The following NSL1 variants were observed in gnomAD, a reference collection of about 807,000 sequenced individuals.
The protein encoded by NSL1 is NSL1 component of MIS12 kinetochore complex.
A neutral mutation model predicts 25.4 loss-of-function variants in NSL1; 11 were observed. The observed-to-expected ratio is 0.43, with a 90% CI of 0.27 to 0.72. NSL1 has a LOEUF of 0.72. Ranked by LOEUF, NSL1 falls within the 30% of genes least tolerant of loss-of-function variation. The pLI is 0.19. For synonymous variants in NSL1, 118 were observed against 120.6 expected (o/e 0.98, Z 0.14); for missense variants, 330 against 342.7 (o/e 0.96, Z 0.29).
intron 4 of NSL1, among the ~76,000 whole-genome samples, chr1:212,768,340 A>AAAC (rs1659932120): frequency 6.6e-6 from 1 of 151,468 alleles, no homozygotes. Context: ...AAAAAAAAAA[A>AAAC]AAAACTAAAA....
intron 2 of NSL1, among the ~76,000 whole-genome samples, chr1:212,786,974 G>A (rs1660973599): frequency 6.6e-6 from 1 of 151,326 alleles, no homozygotes; most frequent in Admixed American, 6.6e-5. Flanking sequence ...ACCAGCCTGG[G>A]CAACATGATG....
In NSL1 at chr1:212,733,179, C is replaced by G. The variant is rs1483233814; in HGVS notation, c.*5229G>C. Among the ~76,000 whole-genome samples, 1 of 152,180 alleles carries G rather than the reference C, an allele frequency of 6.6e-6. No homozygotes were observed. Among genetic ancestry groups the G allele is most frequent in the East Asian group, 1.9e-4 (1 of 5,192 alleles). ...CCAGGCCAGGCGCAGTGGCTCACGCCTGTAATCCAGCACTTTGGGAGGCAG... is the reference window on the plus strand; with the variant it reads ...CCAGGCCAGGCGCAGTGGCTCACGCGTGTAATCCAGCACTTTGGGAGGCAG... On this transcript the variant is annotated 3_prime_UTR_variant, in exon 6 of 6. Transcript: ENST00000366977.
chr1:212,729,255 A>T lies in NSL1; in HGVS notation c.*9153T>A. On this transcript the variant is annotated 3_prime_UTR_variant, in exon 6 of 6. Coordinates refer to ENST00000366977, the MANE Select transcript of NSL1 (RefSeq NM_015471.4). ...GAAGTGCAGGTTTGCTTGGGCTCCT[A>T]GCCTCTCCCTCAGCTCCCTCTTTTC... 1.0e-6 allele frequency: 1 copy of T among 985,400 alleles called. No individual in the cohort carries two copies. Among genetic ancestry groups the T allele is most frequent in the Non-Finnish European group, 1.2e-6 (1 of 829,920 alleles). 61.0% of individuals were successfully genotyped at this position (985,400 alleles called of 1,614,324 possible).
Position 212,727,561 on chromosome 1 carries a change from T to TA in NSL1, c.*10846dup. Reference sequence around the variant, plus strand: ...GACAATGAATTAGACGTGTGCCACATACTTCTCTCAAAAACTTTATGACTC... The same window carrying TA: ...GACAATGAATTAGACGTGTGCCACATAACTTCTCTCAAAAACTTTATGACTC... On this transcript the variant is annotated 3_prime_UTR_variant, in exon 6 of 6. Coordinates refer to ENST00000366977, the MANE Select transcript of NSL1 (RefSeq NM_015471.4). 1.0e-6 allele frequency: 1 copy of TA among 985,436 alleles called. No individual in the cohort carries two copies. Among genetic ancestry groups the TA allele is most frequent in the Non-Finnish European group, 1.2e-6 (1 of 829,908 alleles). 61.0% of individuals were successfully genotyped at this position (985,436 alleles called of 1,614,324 possible).
chr1:212,760,494 G>A lies in NSL1; in HGVS notation c.500-20893C>T, dbSNP rs544467497. Among the ~76,000 whole-genome samples, 34 of 151,970 alleles carry A rather than the reference G, an allele frequency of 2.2e-4. No homozygotes were observed. Among genetic ancestry groups the A allele is most frequent in the Non-Finnish European group, 4.7e-4 (32 of 67,974 alleles). On this transcript the variant is annotated intron_variant, in intron 4 of 5. Coordinates refer to ENST00000366977, the MANE Select transcript of NSL1 (RefSeq NM_015471.4). The surrounding 1 kb of genome is among the most constrained non-coding windows in gnomAD (Gnocchi z 4.3). The stretch of plus-strand genomic sequence containing the variant: ...GTTCACCCCACTGGCCACTACTGCC[G>A]GCATCCACACACTCCTCCCCAGGGC...
Position 212,777,308 on chromosome 1 carries a change from T to C in NSL1, c.499+5064A>G, listed in dbSNP as rs192493765. Reference sequence around the variant, plus strand: ...TGGAAGATCACTTGAGCCCAAGAGATTGAGGTGGCAATGAGCCATGATCAT... The same window carrying C: ...TGGAAGATCACTTGAGCCCAAGAGACTGAGGTGGCAATGAGCCATGATCAT... On this transcript the variant is annotated intron_variant, in intron 4 of 5. Coordinates refer to ENST00000366977, the MANE Select transcript of NSL1 (RefSeq NM_015471.4). Among the ~76,000 whole-genome samples the C allele has an allele frequency of 1.9e-3, 286 of 152,094 alleles. 1 individual carries two copies. Among genetic ancestry groups the C allele is most frequent in the African/African-American group, 6.2e-3 (258 of 41,502 alleles).
chr1:212,740,078 A>AT, intron 4 of NSL1, among the ~76,000 whole-genome samples: 1 of 152,268 alleles, frequency 6.6e-6, no homozygotes, highest in South Asian at 2.1e-4. Context: ...CCTAATACAT[A>AT]TTTTCTTCTT....
At chr1:212,781,072 T>A (rs149890639) in intron 4 of NSL1, among the ~76,000 whole-genome samples, 5 of 152,320 alleles carry the variant, frequency 3.3e-5, no homozygotes, top group Admixed American at 3.3e-4. Context: ...CTGATGCTAT[T>A]CTAAGCTTGT....
At chr1:212,769,979 AGACT>A (rs1371898640) in intron 4 of NSL1, among the ~76,000 whole-genome samples, 4 of 152,210 alleles carry the variant, frequency 2.6e-5, no homozygotes, top group Non-Finnish European at 5.9e-5. Context: ...AAACACATAC[AGACT>A]AAAAGTGAAA....
At chr1:212,761,663 T>C (rs1659571559) in intron 4 of NSL1, among the ~76,000 whole-genome samples, 1 of 151,910 alleles carries the variant, frequency 6.6e-6, no homozygotes, top group Admixed American at 6.6e-5. Context: ...ATGAAATACC[T>C]GAAAAATAAT....
At chr1:212,779,896 C>T (rs1471253490) in intron 4 of NSL1, among the ~76,000 whole-genome samples, 6 of 147,482 alleles carry the variant, frequency 4.1e-5, no homozygotes, top group Admixed American at 6.7e-5. Flanking sequence ...GTCAGCCCCC[C>T]GCCCGAACAG....
At chr1:212,776,223 T>C (rs1660360215) in intron 4 of NSL1, among the ~76,000 whole-genome samples, 3 of 151,884 alleles carry the variant, frequency 2.0e-5, no homozygotes, top group Non-Finnish European at 4.4e-5. Flanking sequence ...ATTAGCTGGG[T>C]GTGGTGGCAC....
chr1:212,760,816 T>C lies in NSL1; in HGVS notation c.500-21215A>G, dbSNP rs185745618. On this transcript the variant is annotated intron_variant, in intron 4 of 5. Transcript: ENST00000366977. The surrounding 1 kb of genome is among the most constrained non-coding windows in gnomAD (Gnocchi z 4.3). Reference sequence around the variant, plus strand: ...GTCTGCCTGGACCTGATAACACTAGTATCTGTGTACACTGCCAAGGGAACC... The same window carrying C: ...GTCTGCCTGGACCTGATAACACTAGCATCTGTGTACACTGCCAAGGGAACC... Among the ~76,000 whole-genome samples, 2 of 152,262 alleles carry C rather than the reference T, an allele frequency of 1.3e-5. No homozygotes were observed. Among genetic ancestry groups the C allele is most frequent in the Admixed American group, 6.5e-5 (1 of 15,304 alleles).
Position 212,728,526 on chromosome 1 carries a change from T to C in NSL1, c.*9882A>G, listed in dbSNP as rs1657878039. The C allele has an allele frequency of 2.0e-6, 2 of 985,416 alleles. No homozygotes were observed. Among genetic ancestry groups the C allele is most frequent in the Non-Finnish European group, 2.4e-6 (2 of 829,930 alleles). The allele number at this position is 985,416 out of a possible 1,614,324, so 61.0% of individuals were successfully genotyped here. ...TATAGCTGGAACAAATCTGACATTG[T>C]TGGTTTGTTCAAACAATTTTTTCAA... is the stretch of plus-strand genomic sequence containing the variant. On this transcript the variant is annotated 3_prime_UTR_variant, in exon 6 of 6. Coordinates refer to ENST00000366977, the MANE Select transcript of NSL1 (RefSeq NM_015471.4).
chr1:212,730,450 A>G lies in NSL1; in HGVS notation c.*7958T>C. On this transcript the variant is annotated 3_prime_UTR_variant, in exon 6 of 6. Transcript: ENST00000366977. ...GAGGTCTTAAAATCTGCAACTAGGT[A>G]TGAGCCCAAAGGCACTGGAGCCATT... 2.0e-6 allele frequency: 2 copies of G among 985,314 alleles called. No homozygotes were observed. The highest frequency in any genetic ancestry group is 2.4e-6 in the Non-Finnish European group (2 of 829,922). The allele number at this position is 985,314 out of a possible 1,614,324, so 61.0% of individuals were successfully genotyped here.
At chr1:212,748,192 A>G (rs1236098673) in intron 4 of NSL1, among the ~76,000 whole-genome samples, 1 of 152,218 alleles carries the variant, frequency 6.6e-6, no homozygotes, top group Non-Finnish European at 1.5e-5. Context: ...CTTTTTACTT[A>G]TCACTGATTG....
At chr1:212,779,433 G>A (rs12759411) in intron 4 of NSL1, among the ~76,000 whole-genome samples, 18 of 134,926 alleles carry the variant, frequency 1.3e-4, no homozygotes, top group Admixed American at 4.2e-4. Flanking sequence ...GGTGAGGGGC[G>A]CCTCTGCCCG....
chr1:212,782,200 G>A (rs544874630), intron 4 of NSL1, 172 bp downstream of exon 4: 529 of 696,042 alleles, frequency 7.6e-4, no homozygotes, highest in Non-Finnish European at 1.0e-3. Context: ...GTCAATGGGT[G>A]TAAAGCTAGT....
chr1:212,731,921 T>G lies in NSL1; in HGVS notation c.*6487A>C, dbSNP rs1462166385. ...CCAGGACCCAGCAGCTATAAGGGCCTCCACACCCCACCTTACTGCTTTAAC... is the reference window on the plus strand; with the variant it reads ...CCAGGACCCAGCAGCTATAAGGGCCGCCACACCCCACCTTACTGCTTTAAC... On this transcript the variant is annotated 3_prime_UTR_variant, in exon 6 of 6. Transcript: ENST00000366977. 4.1e-6 allele frequency: 4 copies of G among 985,302 alleles called. No individual in the cohort carries two copies. The East Asian group carries it at 3.4e-4, about 84-fold the overall frequency. 61.0% of individuals were successfully genotyped at this position (985,302 alleles called of 1,614,324 possible). A position where few individuals can be genotyped will look rare whatever the true frequency, so the allele number is the denominator to read the frequency against.
Sources: allele counts gnomAD v4.1 joint callset (sites outside exome capture counted in the v4.1 genomes callset), GRCh38; gene constraint gnomAD v4.1.1; non-coding constraint Gnocchi (gnomAD v3.1); transcripts MANE v1.5; gene names NCBI Gene and HGNC (gene_info 2026-07-23, HGNC 2026-07-21).